Variants in PSD3 observed in about 807,000 individuals in gnomAD.
PSD3 encodes PH and SEC7 domain-containing protein 3.
In PSD3, 49 loss-of-function variants were observed where a neutral mutation model predicts 105.5. The ratio of observed to expected loss-of-function variants is 0.46; its 90% CI spans 0.37 to 0.59. The LOEUF (loss-of-function observed/expected upper bound fraction) is 0.59. Ranked by LOEUF, PSD3 falls within the 20% of genes least tolerant of loss-of-function variation. The pLI is 0.00. For synonymous variants in PSD3, 557 were observed against 457.8 expected (o/e 1.22, Z -2.77); for missense variants, 1,561 against 1,263.8 (o/e 1.24, Z -3.57).
intron 3 of PSD3, 62 bp downstream of exon 3, chr8:18,871,564 A>G (rs559951353): frequency 2.6e-6 from 4 of 1,518,248 alleles, no homozygotes; most frequent in South Asian, 2.7e-5. Flanking sequence ...CAAGTACAGG[A>G]TAACAGTTTT....
At chr8:19,031,047 A>G (rs1827750416) in intron 1 of PSD3, among the ~76,000 whole-genome samples, 1 of 152,164 alleles carries the variant, frequency 6.6e-6, no homozygotes, top group East Asian at 1.9e-4. Context: ...GGGCTATGCT[A>G]CCAGTTCTGG....
chr8:18,973,142 G>A (rs1029767280), intron 1 of PSD3, among the ~76,000 whole-genome samples: 6 of 152,120 alleles, frequency 3.9e-5, no homozygotes, highest in African/African-American at 1.4e-4. Context: ...ACCATCTGGG[G>A]GTTCTGAGTT....
chr8:18,598,895 A>C (rs1804234492), intron 12 of PSD3, among the ~76,000 whole-genome samples: 1 of 152,162 alleles, frequency 6.6e-6, no homozygotes, highest in South Asian at 2.1e-4. Context: ...ATTAAAGAAG[A>C]CACAAATAAA....
At chr8:18,719,456 T>A (rs555817835) in intron 9 of PSD3, among the ~76,000 whole-genome samples, 1 of 152,320 alleles carries the variant, frequency 6.6e-6, no homozygotes, top group South Asian at 2.1e-4. Context: ...AAGGACATTA[T>A]CTTTATTATG....
intron 9 of PSD3, among the ~76,000 whole-genome samples, chr8:18,761,995 G>C (rs1354671668): frequency 2.0e-5 from 3 of 152,156 alleles, no homozygotes; most frequent in Non-Finnish European, 4.4e-5. Flanking sequence ...GTCTTTGGGT[G>C]AAAGAAGGGG....
chr8:18,944,370 G>T (rs1355679165), intron 1 of PSD3, among the ~76,000 whole-genome samples: 11 of 152,120 alleles, frequency 7.2e-5, no homozygotes, highest in East Asian at 3.9e-4. Flanking sequence ...AGGAGTTTGA[G>T]ACCAGCCTGG....
intron 15 of PSD3, among the ~76,000 whole-genome samples, chr8:18,553,849 G>A (rs1289293850): frequency 6.6e-6 from 1 of 152,018 alleles, no homozygotes; most frequent in Non-Finnish European, 1.5e-5. Flanking sequence ...CTATCCTCGC[G>A]CCTTTCTGAT....
At chr8:18,568,840 A>G (rs1306308781) in intron 14 of PSD3, among the ~76,000 whole-genome samples, 1 of 151,108 alleles carries the variant, frequency 6.6e-6, no homozygotes, top group African/African-American at 2.4e-5. Context: ...ATATCTCCCG[A>G]TGCTATCCCT....
chr8:18,653,445 G>C (rs1808666667), intron 10 of PSD3, among the ~76,000 whole-genome samples: 1 of 152,062 alleles, frequency 6.6e-6, no homozygotes, highest in Non-Finnish European at 1.5e-5. Context: ...TTTATGTTCA[G>C]TGTTTTCAAA....
intron 1 of PSD3, among the ~76,000 whole-genome samples, chr8:18,950,999 G>C (rs957513561): frequency 2.0e-5 from 3 of 152,152 alleles, no homozygotes; most frequent in Non-Finnish European, 4.4e-5. Context: ...CTTAGGAATG[G>C]AGCTGCAGAA....
intron 2 of PSD3, among the ~76,000 whole-genome samples, chr8:18,908,740 T>C (rs1248999442): frequency 6.6e-6 from 1 of 152,224 alleles, no homozygotes; most frequent in African/African-American, 2.4e-5. Context: ...CGTATGAATG[T>C]TGTCTTGCTT....
At chr8:18,872,815 AG>A in intron 2 of PSD3, 82 bp from the exon 3 acceptor site, 5 of 1,330,496 alleles carry the variant, frequency 3.8e-6, no homozygotes, top group Non-Finnish European at 5.2e-6. Flanking sequence ...CACACAGATT[AG>A]GCACTCAATA....
At chr8:18,579,275 G>C (rs1267553516) in intron 12 of PSD3, among the ~76,000 whole-genome samples, 1 of 152,108 alleles carries the variant, frequency 6.6e-6, no homozygotes, top group Non-Finnish European at 1.5e-5. Context: ...AATTGGGCAG[G>C]AAGAAATAAC....
chr8:18,648,506 G>T (rs1387862081), intron 10 of PSD3, among the ~76,000 whole-genome samples: 1 of 152,230 alleles, frequency 6.6e-6, no homozygotes, highest in African/African-American at 2.4e-5. Context: ...TAACCTGGCT[G>T]CTTCTAACAA....
At position 18,841,283 on chromosome 8, in the gene PSD3, C is replaced by T. The variant is rs147091690; in HGVS notation, c.1634+26391G>A. Among the ~76,000 whole-genome samples the T allele has an allele frequency of 8.9e-3, 1,354 of 152,246 alleles. 8 individuals carry two copies. Among genetic ancestry groups the T allele is most frequent in the Non-Finnish European group, 0.014 (954 of 68,012 alleles). The stretch of plus-strand genomic sequence containing the variant: ...CTCAGGCACTGCGTGGAAAAAAAGT[C>T]TGTTGTGTATTCTCAGCGAGGGCAG... On this transcript the variant is annotated intron_variant, in intron 4 of 15. Coordinates refer to ENST00000327040, the MANE Select transcript of PSD3 (RefSeq NM_015310.4).
intron 8 of PSD3, chr8:18,775,057 C>T (rs555285683): frequency 2.4e-6 from 1 of 423,876 alleles, no homozygotes; most frequent in African/African-American, 2.0e-5. Context: ...CTACTCTCTA[C>T]CTTCATGAAA....
chr8:18,987,281 T>C lies in PSD3; in HGVS notation c.21+26282A>G, dbSNP rs1035806733. On this transcript the variant is annotated intron_variant, in intron 1 of 15. Coordinates refer to ENST00000327040, the MANE Select transcript of PSD3 (RefSeq NM_015310.4). ...TTAGAGAAATTTATTTTCTTTTTTA[T>C]TTTTTTTTTTATATATATTTTTTTA... 5.8e-5 allele frequency among the ~76,000 whole-genome samples: 5 copies of C among 86,406 alleles called. No individual in the cohort carries two copies. In the East Asian group the frequency reaches 1.9e-3, roughly 32 times the overall value. 56.7% of individuals were successfully genotyped at this position (86,406 alleles called of 152,430 possible). A position where few individuals can be genotyped will look rare whatever the true frequency, so the allele number is the denominator to read the frequency against.
In PSD3 at chr8:18,530,650, C is replaced by T. The variant is rs1035007373; in HGVS notation, c.*5093G>A. ...AATTGTCAGTTTGACTTTAAGTGCT[C>T]TTAATACTAAAGTTACTAAGACTGC... is the stretch of plus-strand genomic sequence containing the variant. On this transcript the variant is annotated 3_prime_UTR_variant, in exon 16 of 16. Transcript: ENST00000327040. 4 of 149,862 alleles carry T rather than the reference C, an allele frequency of 2.7e-5. No homozygotes were observed. Among genetic ancestry groups the T allele is most frequent in the Non-Finnish European group, 5.9e-5 (4 of 67,684 alleles). The allele number at this position is 149,862 out of a possible 1,614,324, so 9.3% of individuals were successfully genotyped here.
At chr8:18,700,074 T>C (rs1801489815) in intron 9 of PSD3, among the ~76,000 whole-genome samples, 2 of 152,192 alleles carry the variant, frequency 1.3e-5, no homozygotes, top group South Asian at 4.1e-4. Flanking sequence ...CAGAATCTTA[T>C]TTCAGTCAAA....
Sources: allele counts gnomAD v4.1 joint callset (sites outside exome capture counted in the v4.1 genomes callset), GRCh38; gene constraint gnomAD v4.1.1; transcripts MANE v1.5; gene names NCBI Gene and HGNC (gene_info 2026-07-23, HGNC 2026-07-21).